The following TRPM1 variants were observed in gnomAD, a reference collection of about 807,000 sequenced individuals.
TRPM1 encodes the protein transient receptor potential cation channel subfamily M member 1, also known as TRPM1-203 APA Isoform, Intron 10.
A neutral mutation model predicts 149.4 loss-of-function variants in TRPM1; 113 were observed. The observed-to-expected ratio is 0.76, with a 90% CI of 0.65 to 0.88. The LOEUF is 0.88. Ranked by LOEUF, TRPM1 falls within the 40% of genes least tolerant of loss-of-function variation. TRPM1 has a pLI of 0.00. For missense variants in TRPM1, 1,976 were observed against 2,038.7 expected, an observed-to-expected ratio of 0.97 and a Z score of 0.59; for synonymous variants, 741 against 759.5, an observed-to-expected ratio of 0.98 and a Z score of 0.40.
chr15:31,113,766 A>G (rs1366464799), intron 1 of TRPM1, among the ~76,000 whole-genome samples: 3 of 152,202 alleles, frequency 2.0e-5, no homozygotes, highest in Admixed American at 6.5e-5. Context: ...CTTCCCGGTG[A>G]GTGTTACAGC....
chr15:31,114,164 C>G (rs1253270716), intron 1 of TRPM1, among the ~76,000 whole-genome samples: 1 of 152,196 alleles, frequency 6.6e-6, no homozygotes, highest in South Asian at 2.1e-4. Flanking sequence ...TCTTTTCTCT[C>G]CTCCCACTGT....
At chr15:31,160,570 G>A (rs1023966477) in intron 1 of TRPM1, among the ~76,000 whole-genome samples, 2 of 152,190 alleles carry the variant, frequency 1.3e-5, no homozygotes, top group Non-Finnish European at 2.9e-5. Context: ...CACCACCCTC[G>A]TGGGGAAAGC....
At chr15:31,133,321 A>G (rs1173612184) in intron 1 of TRPM1, among the ~76,000 whole-genome samples, 1 of 151,946 alleles carries the variant, frequency 6.6e-6, no homozygotes, top group Non-Finnish European at 1.5e-5. Flanking sequence ...TAGTCCCAGT[A>G]CTTTGGGAGG....
intron 18 of TRPM1, among the ~76,000 whole-genome samples, chr15:31,039,260 A>G (rs1437268197): frequency 6.6e-6 from 1 of 152,122 alleles, no homozygotes; most frequent in Non-Finnish European, 1.5e-5. Context: ...CATGTAGGCG[A>G]TCTACTTTAG....
chr15:31,109,517 G>A (rs866504039), intron 1 of TRPM1, among the ~76,000 whole-genome samples: 37 of 151,158 alleles, frequency 2.4e-4, no homozygotes, highest in Non-Finnish European at 8.8e-5. Flanking sequence ...GCCACAACAC[G>A]ATGAAACCCC....
At chr15:31,003,510 A>G (rs928438213) in intron 27 of TRPM1, among the ~76,000 whole-genome samples, 67 of 152,348 alleles carry the variant, frequency 4.4e-4, no homozygotes, top group African/African-American at 1.6e-3. Context: ...GCCTAGCTCC[A>G]GCACTCACTC....
At chr15:31,065,802 T>G (rs1035556191) in intron 7 of TRPM1, among the ~76,000 whole-genome samples, 5 of 152,230 alleles carry the variant, frequency 3.3e-5, no homozygotes, top group African/African-American at 1.2e-4. Context: ...CAAGAACCAC[T>G]GGGCAACAGG....
chr15:31,009,139 T>C (rs1208802536), intron 27 of TRPM1, among the ~76,000 whole-genome samples: 1 of 152,090 alleles, frequency 6.6e-6, no homozygotes, highest in Non-Finnish European at 1.5e-5. Context: ...TTCACTTTCA[T>C]TTTTGAAGAA....
chr15:31,019,987 C>T (rs1018779414), intron 27 of TRPM1, among the ~76,000 whole-genome samples: 6 of 151,162 alleles, frequency 4.0e-5, no homozygotes, highest in Non-Finnish European at 1.5e-5. Flanking sequence ...TGTCTTTCTT[C>T]TGGCTTTTTC....
At chr15:31,068,240 C>A in intron 4 of TRPM1, 148 bp from the exon 5 acceptor site, 1 of 754,034 alleles carries the variant, frequency 1.3e-6, no homozygotes, top group Non-Finnish European at 2.3e-6. Flanking sequence ...AGTCTGTGGC[C>A]AAGTGACTGA....
chr15:31,096,590 C>T lies in TRPM1; in HGVS notation c.-84+5067G>A, dbSNP rs1041625325. On this transcript the variant is annotated intron_variant, in intron 1 of 27. Coordinates refer to ENST00000256552, the MANE Select transcript of TRPM1 (RefSeq NM_001252024.2). ...GGGAAGGTGTTGTGTTAAGGAGCTC[C>T]CCTCATTGCCTGAGTGCCTGGTCTG... Among the ~76,000 whole-genome samples the T allele has an allele frequency of 1.8e-4, 27 of 152,328 alleles. 1 individual carries two copies. The highest frequency in any genetic ancestry group is 6.3e-4 in the African/African-American group (26 of 41,568).
intron 22 of TRPM1, among the ~76,000 whole-genome samples, chr15:31,032,183 T>A (rs2033114601): frequency 6.6e-6 from 1 of 152,108 alleles, no homozygotes; most frequent in South Asian, 2.1e-4. Flanking sequence ...CATCAAAAAT[T>A]GATGTTCTCT....
At chr15:31,149,063 G>A (rs1488804242) in intron 1 of TRPM1, among the ~76,000 whole-genome samples, 1 of 152,250 alleles carries the variant, frequency 6.6e-6, no homozygotes, top group Non-Finnish European at 1.5e-5. Context: ...GTTCATGTGA[G>A]ATGCCGTGAC....
intron 1 of TRPM1, among the ~76,000 whole-genome samples, chr15:31,146,352 G>A (rs755974644): frequency 2.6e-5 from 4 of 152,188 alleles, no homozygotes; most frequent in Non-Finnish European, 5.9e-5. Context: ...CTGACAAAAG[G>A]GGGGAATTAT....
Position 31,149,439 on chromosome 15 carries a change from C to T in TRPM1, c.54+11467G>A, listed in dbSNP as rs182480534. ...GCATGCATAGGAACCAAAGGCTGGC[C>T]CCCTGAGCCTTTGAGGATAAACTGG... On this transcript the variant is annotated intron_variant, in intron 1 of 26. Coordinates refer to the TRPM1 transcript ENST00000542188. 2.0e-3 allele frequency among the ~76,000 whole-genome samples: 298 copies of T among 152,234 alleles called. 1 individual carries two copies. Among genetic ancestry groups the T allele is most frequent in the African/African-American group, 6.9e-3 (285 of 41,532 alleles).
chr15:31,013,588 TTTC>T (rs1385426427), intron 27 of TRPM1, among the ~76,000 whole-genome samples: 1 of 152,194 alleles, frequency 6.6e-6, no homozygotes, highest in Non-Finnish European at 1.5e-5. Flanking sequence ...TGGACCATAG[TTTC>T]TTATTTCTTT....
At chr15:31,053,432 T>TTC in intron 11 of TRPM1, among the ~76,000 whole-genome samples, 1 of 151,284 alleles carries the variant, frequency 6.6e-6, no homozygotes, top group South Asian at 2.1e-4. Context: ...TTTTTTTTTT[T>TTC]CTGTATTTTT....
chr15:31,120,127 C>T lies in TRPM1; in HGVS notation c.54+40779G>A, dbSNP rs535991096. On this transcript the variant is annotated intron_variant, in intron 1 of 26. Coordinates refer to the TRPM1 transcript ENST00000542188. ...TTTATTTTACATTTTTTTCTTTTTT[C>T]TTTTTTTTACCCATTGTTTAGCTCC... Among the ~76,000 whole-genome samples, 82 of 151,330 alleles carry T rather than the reference C, an allele frequency of 5.4e-4. 1 individual carries two copies. Among genetic ancestry groups the T allele is most frequent in the African/African-American group, 1.9e-3 (79 of 41,314 alleles).
intron 1 of TRPM1, among the ~76,000 whole-genome samples, chr15:31,089,786 C>A (rs6493451): frequency 6.6e-6 from 1 of 151,968 alleles, no homozygotes; most frequent in Non-Finnish European, 1.5e-5. Flanking sequence ...ATGGTGTCCC[C>A]AAAGTGCATA....
Sources: gnomAD v4.1 joint callset for allele counts (sites outside exome capture counted in the v4.1 genomes callset) on GRCh38, gnomAD v4.1.1 for gene constraint, MANE v1.5 for transcripts, NCBI Gene and HGNC (gene_info 2026-07-23, HGNC 2026-07-21) for gene names.